Variants in KDM3A observed in about 807,000 individuals in gnomAD.
The protein encoded by KDM3A is lysine-specific demethylase 3A.
KDM3A carries 60 observed loss-of-function variants against 158.0 expected under a neutral mutation model. The ratio of observed to expected loss-of-function variants is 0.38; its 90% CI spans 0.31 to 0.47. KDM3A has a LOEUF of 0.47. Among genes scored for constraint, KDM3A ranks in the 20% least tolerant of loss-of-function variants. KDM3A has a pLI of 0.99. For synonymous variants in KDM3A, 608 were observed against 549.3 expected (o/e 1.11, Z -1.49); for missense variants, 1,319 against 1,574.3 (o/e 0.84, Z 2.74).
At position 86,492,404 on chromosome 2, in the gene KDM3A, C is replaced by CAGTT; in HGVS notation, c.*287_*290dup. On this transcript the variant is annotated 3_prime_UTR_variant, in exon 26 of 26. Transcript: ENST00000312912. The stretch of plus-strand genomic sequence containing the variant: ...CGTATCAGCTCTGGAACAATACCTG[C>CAGTT]AGTTATTCTTCAGCTGTTTGGACAA... 1 of 324,082 alleles carries CAGTT rather than the reference C, an allele frequency of 3.1e-6. No homozygotes were observed. Among genetic ancestry groups the CAGTT allele is most frequent in the East Asian group, 5.4e-5 (1 of 18,474 alleles). The allele number at this position is 324,082 out of a possible 1,614,324, so 20.1% of individuals were successfully genotyped here.
chr2:86,487,607 C>T (rs1398247202), intron 21 of KDM3A: 1 of 152,148 alleles, frequency 6.6e-6, no homozygotes, highest in Admixed American at 6.5e-5. Context: ...CTTAGATCTC[C>T]TGATTTCCAA....
At chr2:86,477,740 C>G (rs1270324445) in intron 12 of KDM3A, 137 bp from the exon 13 acceptor site, 2 of 735,728 alleles carry the variant, frequency 2.7e-6, no homozygotes, top group Admixed American at 2.9e-5. Flanking sequence ...GGGTGGAGGA[C>G]AGCATTTGCA....
intron 11 of KDM3A, among the ~76,000 whole-genome samples, chr2:86,472,380 G>A (rs1167183339): frequency 6.6e-6 from 1 of 151,798 alleles, no homozygotes; most frequent in Non-Finnish European, 1.5e-5. Context: ...TGAAGATTGA[G>A]GCTGTCATTA....
intron 16 of KDM3A, 94 bp from the exon 17 acceptor site, chr2:86,481,836 A>G: frequency 1.1e-6 from 1 of 943,272 alleles, no homozygotes; most frequent in Non-Finnish European, 1.6e-6. Flanking sequence ...AGTAAATAGA[A>G]AGCAAGTTCT....
chr2:86,441,824 G>A (rs1429395467), intron 1 of KDM3A, among the ~76,000 whole-genome samples, 194 bp from the exon 2 acceptor site: 2 of 149,764 alleles, frequency 1.3e-5, no homozygotes, highest in Non-Finnish European at 1.5e-5. Flanking sequence ...AGGGTCACGC[G>A]GCGCTGGGGC....
In KDM3A at chr2:86,470,265, C is replaced by T. The variant is rs557850880; in HGVS notation, c.1581C>T (p.Gly527=). The change falls in exon 11 of 26, where the codon GGC becomes GGT. Residue 527 remains glycine (G), a synonymous_variant. Transcript: ENST00000312912. ...PAKLKKLQQS[G]EAFVQDDSCV... ...AACTCAAAAAGCTGCAACAGAGTGG[C>T]GAGGCCTTCGTACAGGATGATTCTT... 36 of 1,614,070 alleles carry T rather than the reference C, an allele frequency of 2.2e-5. No homozygotes were observed. The East Asian group carries it at 2.5e-4, about 11-fold the overall frequency.
intron 8 of KDM3A, among the ~76,000 whole-genome samples, chr2:86,460,304 A>T (rs111976777): frequency 5.9e-5 from 9 of 152,112 alleles, no homozygotes; most frequent in African/African-American, 2.2e-4. Flanking sequence ...CTATTATTCC[A>T]TATCGGTAAA....
intron 11 of KDM3A, among the ~76,000 whole-genome samples, chr2:86,470,799 A>G (rs535020500): frequency 6.6e-6 from 1 of 152,150 alleles, no homozygotes; most frequent in Non-Finnish European, 1.5e-5. Flanking sequence ...TTACTTTCCC[A>G]TTACATAGTA....
At chr2:86,471,350 T>C (rs1023573065) in intron 11 of KDM3A, among the ~76,000 whole-genome samples, 6 of 149,428 alleles carry the variant, frequency 4.0e-5, no homozygotes, top group African/African-American at 1.5e-4. Context: ...TGTATATATG[T>C]GTGTGTGTAT....
chr2:86,460,119 C>G (rs527527789), intron 8 of KDM3A, among the ~76,000 whole-genome samples: 2 of 152,172 alleles, frequency 1.3e-5, no homozygotes, highest in Non-Finnish European at 2.9e-5. Flanking sequence ...AATCATACTT[C>G]TCAGAGACTC....
At position 86,466,645 on chromosome 2, in the gene KDM3A, A is replaced by G; in HGVS notation, c.1281A>G (p.Glu427=). 1.9e-6 allele frequency: 3 copies of G among 1,613,978 alleles called. No homozygotes were observed. The highest frequency in any genetic ancestry group is 2.5e-6 in the Non-Finnish European group (3 of 1,179,884). ...CTACAAAGGCTTCTTCTAAGGCAGA[A>G]TTGGAAATTGCCAATCCTCCTGAAC... ...CLPTKASSKA[E]LEIANPPELQ... is the part of the protein sequence containing the mutation. Residue 427 remains glutamate (E), a synonymous_variant, in exon 10 of 26, where the codon GAA becomes GAG. Coordinates refer to ENST00000312912, the MANE Select transcript of KDM3A (RefSeq NM_018433.6).
intron 6 of KDM3A, 92 bp from the exon 7 acceptor site, chr2:86,456,713 G>C: frequency 1.6e-6 from 2 of 1,257,740 alleles, no homozygotes; most frequent in Non-Finnish European, 2.3e-6. Context: ...TTATTCATAA[G>C]AAGCTCCTAT....
intron 19 of KDM3A, chr2:86,484,664 G>GAC (rs1387911878): frequency 2.7e-6 from 1 of 370,492 alleles, no homozygotes; most frequent in Non-Finnish European, 4.9e-6. Context: ...ACAAGGCCCT[G>GAC]ACACAGATCC....
rs201491398 is a variant in KDM3A, at chr2:86,491,121, T to C, written c.3751-20T>C. On this transcript the variant is annotated intron_variant, in intron 24 of 25. Coordinates refer to ENST00000312912, the MANE Select transcript of KDM3A (RefSeq NM_018433.6). ...TGAACTTTTGGGTTTGTTACTGATA[T>C]ATTACTTGGTGTTTTTCAGGTTCAT... 1.6e-3 allele frequency: 2,535 copies of C among 1,613,856 alleles called. 3 individuals are homozygous for C. The highest frequency in any genetic ancestry group is 2.1e-3 in the Middle Eastern group (13 of 6,056).
rs761007296 is a variant in KDM3A, at chr2:86,464,059, C to T, written c.850C>T (p.Pro284Ser). 6.4e-7 allele frequency: 1 copy of T among 1,573,264 alleles called. No individual in the cohort carries two copies. The highest frequency in any genetic ancestry group is 1.2e-5 in the South Asian group (1 of 85,462). The change falls in exon 9 of 26, where the codon CCC becomes TCC. Residue 284 changes from proline to serine, a missense_variant. This residue lies in a region of KDM3A where 652 missense variants were observed against 627.2 expected (regional missense o/e 1.04). Transcript: ENST00000312912. ...KQAKSCSEAS[P>S]SMCPVQSVPT... Reference sequence around the variant, plus strand: ...TTGGTTTGGTATCTTCTAGGCCTCTCCCAGTATGTGTCCTGTGCAGTCTGT... The same window carrying T: ...TTGGTTTGGTATCTTCTAGGCCTCTTCCAGTATGTGTCCTGTGCAGTCTGT...
At chr2:86,481,802 TC>T (rs1415663120) in intron 16 of KDM3A, 127 bp from the exon 17 acceptor site, 5 of 661,154 alleles carry the variant, frequency 7.6e-6, no homozygotes, top group Non-Finnish European at 1.3e-5. Flanking sequence ...TCATACTTAC[TC>T]CCTAAAGTAT....
intron 10 of KDM3A, among the ~76,000 whole-genome samples, chr2:86,468,247 A>T (rs1172366069): frequency 6.6e-6 from 1 of 152,222 alleles, no homozygotes; most frequent in African/African-American, 2.4e-5. Flanking sequence ...TTGAGGCTTA[A>T]GTTAATATAG....
In KDM3A at chr2:86,467,068, C is replaced by CTATT. The variant is rs1237906979; in HGVS notation, c.1519+186_1519+187insATTT. Among the ~76,000 whole-genome samples the CTATT allele has an allele frequency of 7.6e-4, 116 of 152,184 alleles. 1 individual carries two copies. Among genetic ancestry groups the CTATT allele is most frequent in the African/African-American group, 2.6e-3 (108 of 41,510 alleles). On this transcript the variant is annotated intron_variant, in intron 10 of 25. Transcript: ENST00000312912. ...GATTACTGTTAATATTTTGGTGTAC[C>CTATT]TGGTTTCATGTATATAGAAATACAG...
chr2:86,459,711 A>G (rs911861060), intron 8 of KDM3A, among the ~76,000 whole-genome samples: 2 of 152,120 alleles, frequency 1.3e-5, no homozygotes, highest in South Asian at 2.1e-4. Flanking sequence ...GGGCATATAG[A>G]CATATATGAT....
Sources: allele counts gnomAD v4.1 joint callset (sites outside exome capture counted in the v4.1 genomes callset), GRCh38; gene constraint gnomAD v4.1.1; regional missense constraint gnomAD v4.1.1; transcripts MANE v1.5; gene names NCBI Gene and HGNC (gene_info 2026-07-23, HGNC 2026-07-21).